FIGNL2: variants seen among roughly 807,000 people sequenced by gnomAD.
FIGNL2 encodes fidgetin like 2, also known as fidgetin-like protein 2.
For synonymous variants in FIGNL2, 565 were observed against 484.0 expected, an observed-to-expected ratio of 1.17 and a Z score of -2.20; for missense variants, 1,060 against 950.2, an observed-to-expected ratio of 1.12 and a Z score of -1.52.
rs1939243249 is a variant in FIGNL2 at position 51,822,467 on chromosome 12, A to C, written c.-11-43T>G. The C allele has an allele frequency of 3.7e-6, 6 of 1,604,078 alleles. No individual in the cohort carries two copies. In the South Asian group the frequency reaches 5.6e-5, roughly 15 times the overall value. ...GAGGTCTGGTGAGGTCTAGCCACCGAGGACCCAGTGGGCCACTGCTAGCCA... is the reference window on the plus strand; with the variant it reads ...GAGGTCTGGTGAGGTCTAGCCACCGCGGACCCAGTGGGCCACTGCTAGCCA... On this transcript the variant is annotated intron_variant, in intron 1 of 1. Coordinates refer to ENST00000618634, the MANE Select transcript of FIGNL2 (RefSeq NM_001384995.1).
In FIGNL2 at chr12:51,822,105, C is replaced by T. The variant is rs539416713; in HGVS notation, c.309G>A (p.Glu103=). Residue 103 remains glutamate (E), a synonymous_variant, in exon 2 of 2, where the codon GAG becomes GAA. Coordinates refer to ENST00000618634, the MANE Select transcript of FIGNL2 (RefSeq NM_001384995.1). ...GGAGTGAGGCCAAGGGGTAGGGTGG[C>T]TCCGGCCCTGGCCAGGGCTCGGGAT... ...KGDPEPWPGP[E]PPYPLASLHE... 1 of 1,611,112 alleles carries T rather than the reference C, an allele frequency of 6.2e-7. No homozygotes were observed. Among genetic ancestry groups the T allele is most frequent in the African/African-American group, 1.3e-5 (1 of 75,006 alleles).
Position 51,821,886 on chromosome 12 carries a change from G to T in FIGNL2, c.528C>A (p.Gly176=), listed in dbSNP as rs77899420. ...CCGGGGGCGGCGGGGGCAGCGCGGCGCCCGTCTGCGCGCAGTAACCCGGCG... is the reference window on the plus strand; with the variant it reads ...CCGGGGGCGGCGGGGGCAGCGCGGCTCCCGTCTGCGCGCAGTAACCCGGCG... ...YLAPGYCAQT[G]AALPPPPPAA... is the part of the protein sequence containing the mutation. The change falls in exon 2 of 2, where the codon GGC becomes GGA. Residue 176 remains glycine (G), a synonymous_variant. Transcript: ENST00000618634. The T allele has an allele frequency of 1.5e-6, 2 of 1,367,716 alleles. No individual in the cohort carries two copies. The highest frequency in any genetic ancestry group is 2.7e-4 in the Middle Eastern group (1 of 3,672). 84.7% of individuals were successfully genotyped at this position (1,367,716 alleles called of 1,614,324 possible).
At position 51,821,819 on chromosome 12, in the gene FIGNL2, AGGGCCCGTACCCCGGAGGCGGTGG is replaced by A. The variant is rs1939210291; in HGVS notation, c.571_594del (p.Pro191_Pro198del). On this transcript the variant is annotated inframe_deletion, in exon 2 of 2. Coordinates refer to ENST00000618634, the MANE Select transcript of FIGNL2 (RefSeq NM_001384995.1). Reference sequence around the variant, plus strand: ...GCGGGATAGTTGTACAGCGGCGCTGAGGGCCCGTACCCCGGAGGCGGTGGGGGCTGCAGGAGCGCGGCCGGGGGC... The same window carrying A: ...GCGGGATAGTTGTACAGCGGCGCTGAGGGCTGCAGGAGCGCGGCCGGGGGC... The A allele has an allele frequency of 7.9e-7, 1 of 1,272,808 alleles. No homozygotes were observed. Among genetic ancestry groups the A allele is most frequent in the Non-Finnish European group, 9.9e-7 (1 of 1,013,944 alleles). The allele number at this position is 1,272,808 out of a possible 1,614,324, so 78.8% of individuals were successfully genotyped here. A position where few individuals can be genotyped will look rare whatever the true frequency, so the allele number is the denominator to read the frequency against.
At chr12:51,830,699 G>A (rs543373331) in intron 1 of FIGNL2, among the ~76,000 whole-genome samples, 19 of 151,920 alleles carry the variant, frequency 1.3e-4, no homozygotes, top group African/African-American at 2.9e-4. Context: ...CACCATGTTG[G>A]CCAGGCTGGT....
At chr12:51,833,174 A>G (rs1213476618) in intron 1 of FIGNL2, among the ~76,000 whole-genome samples, 1 of 151,894 alleles carries the variant, frequency 6.6e-6, no homozygotes, top group Non-Finnish European at 1.5e-5. Flanking sequence ...CAGCCTCCCA[A>G]GTAGTTGGGA....
rs1939165792 is a variant in FIGNL2 at position 51,821,018 on chromosome 12, C to T, written c.1396G>A (p.Ala466Thr). The T allele has an allele frequency of 2.6e-6, 3 of 1,174,518 alleles. No homozygotes were observed. Among genetic ancestry groups the T allele is most frequent in the Non-Finnish European group, 2.1e-6 (2 of 953,150 alleles). 72.8% of individuals were successfully genotyped at this position (1,174,518 alleles called of 1,614,324 possible). A position where few individuals can be genotyped will look rare whatever the true frequency, so the allele number is the denominator to read the frequency against. Residue 466 changes from alanine to threonine, a missense_variant, in exon 2 of 2, where the codon GCC becomes ACC. By Grantham distance (58) the Ala-to-Thr change is moderately conservative. Transcript: ENST00000618634. ...TGGAGGAGGCGCGCGCCCTCGGCGG[C>T]GCCGGGCGCAGCCAGGGTCGCGCCG... ...LRGATLAAPG[A>T]AEGARLLQAA...
chr12:51,825,153 C>G (rs1387105627), intron 1 of FIGNL2, among the ~76,000 whole-genome samples: 4 of 151,804 alleles, frequency 2.6e-5, no homozygotes, highest in Non-Finnish European at 5.9e-5. Flanking sequence ...TGTTTCCTTA[C>G]TTAATATGGA....
chr12:51,825,318 C>T (rs1181443743), intron 1 of FIGNL2, among the ~76,000 whole-genome samples: 2 of 152,156 alleles, frequency 1.3e-5, no homozygotes, highest in South Asian at 4.1e-4. Context: ...TCCCCACCGC[C>T]AGCCCCTATG....
intron 1 of FIGNL2, among the ~76,000 whole-genome samples, chr12:51,837,342 C>G (rs932415772): frequency 1.3e-5 from 2 of 152,180 alleles, no homozygotes; most frequent in Admixed American, 6.5e-5. Context: ...ACATAGGACG[C>G]AGGCTCCCAA....
intron 1 of FIGNL2, among the ~76,000 whole-genome samples, chr12:51,829,161 C>G (rs895444363): frequency 5.3e-5 from 8 of 152,248 alleles, no homozygotes; most frequent in African/African-American, 1.9e-4. Flanking sequence ...ATTATCTCAG[C>G]CTGGAACAAA....
At position 51,819,788 on chromosome 12, in the gene FIGNL2, T is replaced by G. The variant is rs551293891; in HGVS notation, c.*664A>C. On this transcript the variant is annotated 3_prime_UTR_variant, in exon 2 of 2. Transcript: ENST00000618634. Reference sequence around the variant, plus strand: ...CCTTGATCCCCCTAGACCCTAGGTTTCAGATGGGTAGAGGGGTAACCCTCC... The same window carrying G: ...CCTTGATCCCCCTAGACCCTAGGTTGCAGATGGGTAGAGGGGTAACCCTCC... 13 of 152,748 alleles carry G rather than the reference T, an allele frequency of 8.5e-5. No homozygotes were observed. Among genetic ancestry groups the G allele is most frequent in the African/African-American group, 3.1e-4 (13 of 41,532 alleles). 9.5% of individuals were successfully genotyped at this position (152,748 alleles called of 1,614,324 possible). A position where few individuals can be genotyped will look rare whatever the true frequency, so the allele number is the denominator to read the frequency against.
At chr12:51,836,734 A>T (rs1939584555) in intron 1 of FIGNL2, among the ~76,000 whole-genome samples, 1 of 152,168 alleles carries the variant, frequency 6.6e-6, no homozygotes, top group Non-Finnish European at 1.5e-5. Flanking sequence ...AGGAGGATGT[A>T]GAGGTGGGCA....
chr12:51,820,182 G>A lies in FIGNL2; in HGVS notation c.*270C>T, dbSNP rs1042701869. On this transcript the variant is annotated 3_prime_UTR_variant, in exon 2 of 2. Coordinates refer to ENST00000618634, the MANE Select transcript of FIGNL2 (RefSeq NM_001384995.1). ...AAGGCCCCGGGTGCCAGCCCATGCCGGATCTGCCCGGTCTGCCGGGCGGAG... is the reference window on the plus strand; with the variant it reads ...AAGGCCCCGGGTGCCAGCCCATGCCAGATCTGCCCGGTCTGCCGGGCGGAG... The A allele has an allele frequency of 1.9e-5, 9 of 468,802 alleles. No homozygotes were observed. The highest frequency in any genetic ancestry group is 1.0e-4 in the African/African-American group (5 of 47,946). The allele number at this position is 468,802 out of a possible 1,614,324, so 29.0% of individuals were successfully genotyped here.
chr12:51,840,844 C>T lies in FIGNL2; in HGVS notation c.-12+7696G>A, dbSNP rs1939648880. On this transcript the variant is annotated intron_variant, in intron 1 of 1. Transcript: ENST00000618634. ...AGTCTCTTGGAGGGCCCCACACTTC[C>T]CCTCCCCGTAGCCAGTTTTAGGATC... 3.9e-5 allele frequency among the ~76,000 whole-genome samples: 6 copies of T among 152,244 alleles called. No homozygotes were observed. In the South Asian group the frequency reaches 1.2e-3, roughly 31 times the overall value.
chr12:51,834,969 A>C (rs1565946648), intron 1 of FIGNL2, among the ~76,000 whole-genome samples: 1 of 152,254 alleles, frequency 6.6e-6, no homozygotes, highest in Non-Finnish European at 1.5e-5. Flanking sequence ...TCCCAAGGTC[A>C]TACAAGCTGT....
At chr12:51,828,483 A>C (rs891819317) in intron 1 of FIGNL2, 1 of 152,196 alleles carries the variant, frequency 6.6e-6, no homozygotes, top group African/African-American at 2.4e-5. Flanking sequence ...ATCAATCAAT[A>C]GTTACGGAAA....
intron 1 of FIGNL2, among the ~76,000 whole-genome samples, chr12:51,846,170 G>A (rs1939746366): frequency 6.6e-6 from 1 of 152,240 alleles, no homozygotes; most frequent in Non-Finnish European, 1.5e-5. Context: ...CCCACTGGGG[G>A]CAGGGCCAGG....
At chr12:51,836,869 C>T (rs370040745) in intron 1 of FIGNL2, among the ~76,000 whole-genome samples, 1 of 152,122 alleles carries the variant, frequency 6.6e-6, no homozygotes, top group Non-Finnish European at 1.5e-5. Flanking sequence ...CCCCAGCCCC[C>T]TCCTCCCCTC....
intron 1 of FIGNL2, among the ~76,000 whole-genome samples, chr12:51,837,427 G>A (rs1337457254): frequency 6.6e-6 from 1 of 152,144 alleles, no homozygotes; most frequent in African/African-American, 2.4e-5. Flanking sequence ...GGGCCTGCCG[G>A]TACCCCCTGT....
Sources: gnomAD v4.1 joint callset for allele counts (sites outside exome capture counted in the v4.1 genomes callset) on GRCh38, gnomAD v4.1.1 for gene constraint, MANE v1.5 for transcripts, NCBI Gene and HGNC (gene_info 2026-07-23, HGNC 2026-07-21) for gene names.